Variants in SLC38A4 observed in about 807,000 individuals in gnomAD.
The protein encoded by SLC38A4 is sodium-coupled neutral amino acid transporter 4.
In SLC38A4, 20 loss-of-function variants were observed where a neutral mutation model predicts 63.1. That is an observed-to-expected ratio of 0.32 (90% CI 0.22 to 0.46). The LOEUF (loss-of-function observed/expected upper bound fraction) is 0.46, where lower values mean the gene tolerates loss of function less well. Ranked by LOEUF, SLC38A4 falls within the 20% of genes least tolerant of loss-of-function variation. The pLI, the probability that SLC38A4 is intolerant of heterozygous loss-of-function variation, is 1.00. For synonymous variants in SLC38A4, 230 were observed against 225.5 expected (o/e 1.02, Z -0.18); for missense variants, 526 against 663.6 (o/e 0.79, Z 2.28).
intron 2 of SLC38A4, among the ~76,000 whole-genome samples, chr12:46,797,420 C>T (rs1384806776): frequency 6.6e-6 from 1 of 152,112 alleles, no homozygotes; most frequent in African/African-American, 2.4e-5. Context: ...TCTTCTGCTG[C>T]CTTCTCCTGC....
At position 46,765,354 on chromosome 12, in the gene SLC38A4, C is replaced by A; in HGVS notation, c.*1347G>T. 3 of 230,746 alleles carry A rather than the reference C, an allele frequency of 1.3e-5. No homozygotes were observed. The highest frequency in any genetic ancestry group is 2.7e-5 in the Non-Finnish European group (3 of 112,564). 14.3% of individuals were successfully genotyped at this position (230,746 alleles called of 1,614,324 possible). A position where few individuals can be genotyped will look rare whatever the true frequency, so the allele number is the denominator to read the frequency against. On this transcript the variant is annotated 3_prime_UTR_variant, in exon 17 of 17. Transcript: ENST00000266579. ...TATACTTTTACAGAGAACCACTCAA[C>A]ACTGTATTAAATGGCCAATGAATGT...
intron 1 of SLC38A4, among the ~76,000 whole-genome samples, chr12:46,819,671 C>T (rs1303805106): frequency 6.6e-6 from 1 of 151,750 alleles, no homozygotes; most frequent in Non-Finnish European, 1.5e-5. Context: ...TATAGATAAA[C>T]TACAACAGAC....
At chr12:46,790,966 A>G (rs1486988823) in intron 3 of SLC38A4, among the ~76,000 whole-genome samples, 1 of 152,178 alleles carries the variant, frequency 6.6e-6, no homozygotes, top group East Asian at 1.9e-4. Context: ...GCCAGGAGAT[A>G]AAAGGTAAGT....
intron 3 of SLC38A4, among the ~76,000 whole-genome samples, chr12:46,791,211 G>C (rs1161485800): frequency 1.3e-5 from 2 of 152,166 alleles, no homozygotes; most frequent in Admixed American, 1.3e-4. Flanking sequence ...TAATAAAAAA[G>C]TATTGAATGT....
At chr12:46,769,213 C>G in intron 15 of SLC38A4, 71 bp downstream of exon 15, 1 of 1,552,022 alleles carries the variant, frequency 6.4e-7, no homozygotes, top group Non-Finnish European at 8.9e-7. Context: ...TGACCCAGCA[C>G]TGGTTCCCTG....
rs919640316 is a variant in SLC38A4 at position 46,790,157 on chromosome 12, A to G, written c.120-1539T>C. Among the ~76,000 whole-genome samples the G allele has an allele frequency of 2.0e-5, 3 of 152,298 alleles. No homozygotes were observed. In the South Asian group the frequency reaches 6.2e-4, roughly 32 times the overall value. ...AGGAGATCTGTACAAGCTATTTTTTATAACAGAAGCTAATCCTGAAAATAA... is the reference window on the plus strand; with the variant it reads ...AGGAGATCTGTACAAGCTATTTTTTGTAACAGAAGCTAATCCTGAAAATAA... On this transcript the variant is annotated intron_variant, in intron 3 of 16. Coordinates refer to ENST00000266579, the MANE Select transcript of SLC38A4 (RefSeq NM_018018.5).
At chr12:46,783,060 T>TGTGTGTGTGTGTGTGTGTGTG (rs1236267248) in intron 7 of SLC38A4, among the ~76,000 whole-genome samples, 1 of 42,004 alleles carries the variant, frequency 2.4e-5, no homozygotes, top group Non-Finnish European at 5.6e-5. Flanking sequence ...GTGTGTGTGT[T>TGTGTGTGTGTGTGTGTGTGTG]AGGGTTGGAG....
chr12:46,787,471 G>A (rs996332759), intron 5 of SLC38A4, among the ~76,000 whole-genome samples: 3 of 152,200 alleles, frequency 2.0e-5, no homozygotes, highest in African/African-American at 7.2e-5. Context: ...ATGTGCAAAG[G>A]TCCAATGGTG....
rs149313959 is a variant in SLC38A4 at position 46,792,984 on chromosome 12, T to A, written c.88A>T (p.Ile30Leu). The A allele has an allele frequency of 1.1e-5, 17 of 1,613,230 alleles. No individual in the cohort carries two copies. The African/African-American group carries it at 2.3e-4, about 22-fold the overall frequency. The change falls in exon 3 of 17, where the codon ATA becomes TTA. Residue 30 changes from isoleucine (I) to leucine (L), a missense_variant. Coordinates refer to ENST00000266579, the MANE Select transcript of SLC38A4 (RefSeq NM_018018.5). Reference protein sequence around the residue: ...GESAPDSYIGIGNSEKAAMSS... With the variant: ...GESAPDSYIGLGNSEKAAMSS... ...ATTGCTGCCTTTTCTGAATTTCCTATCCCGATGTAGCTATCTGGAGCACTT... is the reference window on the plus strand; with the variant it reads ...ATTGCTGCCTTTTCTGAATTTCCTAACCCGATGTAGCTATCTGGAGCACTT...
intron 1 of SLC38A4, among the ~76,000 whole-genome samples, chr12:46,815,165 T>C (rs865980880): frequency 1.3e-5 from 2 of 150,692 alleles, no homozygotes; most frequent in African/African-American, 4.9e-5. Flanking sequence ...GAATAGAAGA[T>C]GTATATGAGA....
intron 1 of SLC38A4, among the ~76,000 whole-genome samples, chr12:46,823,415 A>G (rs1411215441): frequency 6.6e-6 from 1 of 152,164 alleles, no homozygotes; most frequent in Admixed American, 6.5e-5. Context: ...ATTTCAAAAG[A>G]CTCAGAAAAG....
rs1040273897 is a variant in SLC38A4 at position 46,778,607 on chromosome 12, C to G, written c.887G>C (p.Gly296Ala). 1 of 1,612,972 alleles carries G rather than the reference C, an allele frequency of 6.2e-7. No homozygotes were observed. Among genetic ancestry groups the G allele is most frequent in the Admixed American group, 1.7e-5 (1 of 59,842 alleles). The change falls in exon 11 of 17, where the codon GGG becomes GCG. Residue 296 changes from glycine (G) to alanine (A), a missense_variant. By Grantham distance (60) the Gly-to-Ala change is moderately conservative. Coordinates refer to ENST00000266579, the MANE Select transcript of SLC38A4 (RefSeq NM_018018.5). The part of the protein sequence containing the change: ...MMDYTHRNPA[G>A]LDENQAKGSL... ...GCCCTTGGCCTGGTTCTCATCCAGC[C>G]CTGCAGGATTGCGGTGGGTGTAATC...
At chr12:46,792,630 G>T (rs1252834975) in intron 3 of SLC38A4, among the ~76,000 whole-genome samples, 1 of 152,066 alleles carries the variant, frequency 6.6e-6, no homozygotes, top group Non-Finnish European at 1.5e-5. Context: ...AGAGAGAAAA[G>T]AATCCCTACA....
At chr12:46,767,008 G>T (rs907786025) in intron 16 of SLC38A4, among the ~76,000 whole-genome samples, 4 of 151,876 alleles carry the variant, frequency 2.6e-5, no homozygotes, top group African/African-American at 9.7e-5. Flanking sequence ...ACAACCTACA[G>T]GTTCAACAAT....
chr12:46,771,625 A>C (rs1938417270), intron 14 of SLC38A4, among the ~76,000 whole-genome samples: 1 of 152,138 alleles, frequency 6.6e-6, no homozygotes, highest in Non-Finnish European at 1.5e-5. Context: ...ACAGAACTGA[A>C]GGTGGTTTCC....
At position 46,778,503 on chromosome 12, in the gene SLC38A4, G is replaced by A. The variant is rs1938574432; in HGVS notation, c.991C>T (p.Arg331Trp). 5 of 1,610,146 alleles carry A rather than the reference G, an allele frequency of 3.1e-6. No homozygotes were observed. The highest frequency in any genetic ancestry group is 2.7e-5 in the African/African-American group (2 of 74,748). Reference sequence around the variant, plus strand: ...AGAAGCCCGGACCGCTCACTTACCCGGGAGTTGAATACAAAGTATTTGGGT... The same window carrying A: ...AGAAGCCCGGACCGCTCACTTACCCAGGAGTTGAATACAAAGTATTTGGGT... ...CEPKYFVFNSRTAYAIPILVF... is the reference protein window; with the variant it reads ...CEPKYFVFNSWTAYAIPILVF... The change falls in exon 11 of 17, where the codon CGG becomes TGG. Residue 331 changes from arginine (R) to tryptophan (W), a missense_variant and splice_region_variant. Coordinates refer to ENST00000266579, the MANE Select transcript of SLC38A4 (RefSeq NM_018018.5).
chr12:46,766,528 A>G lies in SLC38A4; in HGVS notation c.*173T>C, dbSNP rs1320206214. ...TTAAACACATACACAACCATCCTTGACAAAAACAGTGATTTTCCTCTTCTG... is the reference window on the plus strand; with the variant it reads ...TTAAACACATACACAACCATCCTTGGCAAAAACAGTGATTTTCCTCTTCTG... On this transcript the variant is annotated 3_prime_UTR_variant, in exon 17 of 17. Transcript: ENST00000266579. 7.3e-6 allele frequency: 5 copies of G among 687,104 alleles called. No individual in the cohort carries two copies. The highest frequency in any genetic ancestry group is 1.3e-5 in the Non-Finnish European group (5 of 375,130). The allele number at this position is 687,104 out of a possible 1,614,324, so 42.6% of individuals were successfully genotyped here.
rs1161332474 is a variant in SLC38A4 at position 46,765,228 on chromosome 12, AG to A, written c.*1472del. ...TGAAAAAAAGGTAGTGAACTCCAGA[AG>A]TTTTAGGCTGTGAGTAGGAATTTTT... is the stretch of plus-strand genomic sequence containing the variant. On this transcript the variant is annotated 3_prime_UTR_variant, in exon 17 of 17. Coordinates refer to ENST00000266579, the MANE Select transcript of SLC38A4 (RefSeq NM_018018.5). The A allele has an allele frequency of 6.4e-6, 1 of 155,312 alleles. No individual in the cohort carries two copies. Among genetic ancestry groups the A allele is most frequent in the Non-Finnish European group, 1.4e-5 (1 of 69,816 alleles). The allele number at this position is 155,312 out of a possible 1,614,324, so 9.6% of individuals were successfully genotyped here.
At chr12:46,777,032 G>T in intron 12 of SLC38A4, 28 bp from the exon 13 acceptor site, 2 of 1,555,908 alleles carry the variant, frequency 1.3e-6, no homozygotes, top group Non-Finnish European at 1.8e-6. Context: ...ACCAAGCTTT[G>T]TTTTTTAAAC....
Sources: gnomAD v4.1 joint callset for allele counts (sites outside exome capture counted in the v4.1 genomes callset) on GRCh38, gnomAD v4.1.1 for gene constraint, MANE v1.5 for transcripts, NCBI Gene and HGNC (gene_info 2026-07-23, HGNC 2026-07-21) for gene names.